The following SLC35F1 variants were observed in gnomAD, a reference collection of about 807,000 sequenced individuals.
SLC35F1 encodes solute carrier family 35 member F1, also known as chromosome 6 open reading frame 169.
In SLC35F1, 14 loss-of-function variants were observed where a neutral mutation model predicts 48.7. That is an observed-to-expected ratio of 0.29 (90% CI 0.19 to 0.45). The LOEUF is 0.45. SLC35F1 is among the 20% of genes least tolerant of loss of function. The pLI is 1.00. For synonymous variants in SLC35F1, 190 were observed against 202.2 expected (o/e 0.94, Z 0.51); for missense variants, 404 against 500.0 (o/e 0.81, Z 1.83).
chr6:117,929,372 A>G (rs1776070032), intron 1 of SLC35F1, among the ~76,000 whole-genome samples: 1 of 151,916 alleles, frequency 6.6e-6, no homozygotes, highest in Admixed American at 6.6e-5. Context: ...AATTGTGTCA[A>G]TAGGATCTAT....
At chr6:118,287,617 C>G (rs1776066701) in intron 7 of SLC35F1, among the ~76,000 whole-genome samples, 1 of 152,200 alleles carries the variant, frequency 6.6e-6, no homozygotes, top group Admixed American at 6.5e-5. Flanking sequence ...CTGGGGGAGT[C>G]TGGTTGGTAA....
intron 1 of SLC35F1, among the ~76,000 whole-genome samples, chr6:117,979,288 T>C (rs1203631354): frequency 6.6e-6 from 1 of 152,198 alleles, no homozygotes; most frequent in African/African-American, 2.4e-5. Flanking sequence ...GGAGAGCTTT[T>C]CTTTGTACAG....
At chr6:118,223,150 AAT>A (rs1263557160) in intron 2 of SLC35F1, among the ~76,000 whole-genome samples, 1 of 152,212 alleles carries the variant, frequency 6.6e-6, no homozygotes, top group Non-Finnish European at 1.5e-5. Flanking sequence ...TATAAATAAA[AAT>A]GTTACTGATT....
At chr6:118,128,908 C>T (rs999994873) in intron 1 of SLC35F1, among the ~76,000 whole-genome samples, 2 of 152,064 alleles carry the variant, frequency 1.3e-5, no homozygotes, top group South Asian at 2.1e-4. Context: ...ATCTTTGAAG[C>T]TCAGTGTTTT....
In SLC35F1 at chr6:118,036,224, A is replaced by G. The variant is rs1206617924; in HGVS notation, c.174-118221A>G. ...TATCCCACAAATTTTGATATGTTAT[A>G]GTTTTGTTGTCACTTAGGTAAATGT... On this transcript the variant is annotated intron_variant, in intron 1 of 7. Transcript: ENST00000360388. Among the ~76,000 whole-genome samples, 3 of 152,250 alleles carry G rather than the reference A, an allele frequency of 2.0e-5. No individual in the cohort carries two copies. The East Asian group carries it at 5.8e-4, about 29-fold the overall frequency.
At chr6:118,168,059 C>CAA (rs1774344911) in intron 2 of SLC35F1, among the ~76,000 whole-genome samples, 1 of 152,136 alleles carries the variant, frequency 6.6e-6, no homozygotes, top group African/African-American at 2.4e-5. Context: ...TGTTCACATG[C>CAA]AAAGGGATTT....
intron 1 of SLC35F1, among the ~76,000 whole-genome samples, chr6:118,029,595 G>A (rs1772010249): frequency 6.6e-6 from 1 of 152,088 alleles, no homozygotes; most frequent in Non-Finnish European, 1.5e-5. Context: ...GGCATCCACT[G>A]GGGGTCTTGG....
intron 3 of SLC35F1, among the ~76,000 whole-genome samples, chr6:118,262,796 C>T (rs937014726): frequency 1.3e-5 from 2 of 152,152 alleles, no homozygotes; most frequent in African/African-American, 4.8e-5. Context: ...TTTAAAACTA[C>T]AGGGTTCAAG....
intron 1 of SLC35F1, among the ~76,000 whole-genome samples, chr6:118,054,864 A>G (rs1324457143): frequency 6.6e-6 from 1 of 151,672 alleles, no homozygotes. Flanking sequence ...GCAACCTCCA[A>G]CTCCCTGGTT....
At chr6:118,002,255 G>A (rs1385314577) in intron 1 of SLC35F1, among the ~76,000 whole-genome samples, 1 of 152,074 alleles carries the variant, frequency 6.6e-6, no homozygotes, top group Non-Finnish European at 1.5e-5. Context: ...TATACACCAT[G>A]GAATACTATG....
At chr6:118,213,774 T>G (rs547666261) in intron 2 of SLC35F1, among the ~76,000 whole-genome samples, 1 of 152,246 alleles carries the variant, frequency 6.6e-6, no homozygotes, top group East Asian at 1.9e-4. Context: ...CAGAAACACA[T>G]TATATCTAGA....
intron 1 of SLC35F1, among the ~76,000 whole-genome samples, chr6:117,914,259 TAAAA>T (rs919023520): frequency 2.8e-5 from 4 of 141,658 alleles, no homozygotes; most frequent in African/African-American, 5.1e-5. Flanking sequence ...CTCTGAGGAT[TAAAA>T]AAAAAAAAGC....
intron 1 of SLC35F1, among the ~76,000 whole-genome samples, chr6:118,095,668 C>A (rs1190068371): frequency 6.6e-6 from 1 of 152,056 alleles, no homozygotes; most frequent in African/African-American, 2.4e-5. Context: ...AGGAAAGGAA[C>A]ATCATGGAGG....
intron 2 of SLC35F1, among the ~76,000 whole-genome samples, chr6:118,221,260 G>C (rs980005486): frequency 6.6e-6 from 1 of 152,066 alleles, no homozygotes; most frequent in Non-Finnish European, 1.5e-5. Flanking sequence ...AGCATAGATC[G>C]CTTTGTCTGT....
At chr6:118,197,844 G>C (rs561556420) in intron 2 of SLC35F1, among the ~76,000 whole-genome samples, 1 of 152,306 alleles carries the variant, frequency 6.6e-6, no homozygotes, top group African/African-American at 2.4e-5. Context: ...CACTGGGACA[G>C]CCAGTGGCTG....
Position 117,957,946 on chromosome 6 carries a change from G to A in SLC35F1, c.173+50047G>A, listed in dbSNP as rs1189184617. 2.0e-5 allele frequency among the ~76,000 whole-genome samples: 3 copies of A among 152,264 alleles called. No homozygotes were observed. In the East Asian group the frequency reaches 5.8e-4, roughly 29 times the overall value. On this transcript the variant is annotated intron_variant, in intron 1 of 7. Coordinates refer to ENST00000360388, the MANE Select transcript of SLC35F1 (RefSeq NM_001029858.4). Reference sequence around the variant, plus strand: ...AAAGTTAACTGTAAAACGGCCTCAGGCAGGTCCTTCAGGAGGTGTTCCGAA... The same window carrying A: ...AAAGTTAACTGTAAAACGGCCTCAGACAGGTCCTTCAGGAGGTGTTCCGAA...
intron 1 of SLC35F1, among the ~76,000 whole-genome samples, chr6:117,980,503 G>A (rs988910592): frequency 2.0e-5 from 3 of 152,156 alleles, no homozygotes; most frequent in Middle Eastern, 3.4e-3. Flanking sequence ...AAATGTTACT[G>A]GATATAAGAT....
intron 1 of SLC35F1, among the ~76,000 whole-genome samples, chr6:118,107,124 G>T (rs2114375664): frequency 6.6e-6 from 1 of 152,202 alleles, no homozygotes; most frequent in East Asian, 1.9e-4. Flanking sequence ...GCCATCTCTG[G>T]TGCTTAGAAT....
intron 1 of SLC35F1, among the ~76,000 whole-genome samples, chr6:118,072,760 G>A (rs1772753752): frequency 6.6e-6 from 1 of 152,142 alleles, no homozygotes; most frequent in African/African-American, 2.4e-5. Flanking sequence ...GTGTTGTGTG[G>A]AGGGTTTTTA....
Sources: allele counts gnomAD v4.1 joint callset (sites outside exome capture counted in the v4.1 genomes callset), GRCh38; gene constraint gnomAD v4.1.1; transcripts MANE v1.5; gene names NCBI Gene and HGNC (gene_info 2026-07-23, HGNC 2026-07-21).